Variants in FGD3 observed in about 807,000 individuals in gnomAD.
FGD3 encodes FYVE, RhoGEF and PH domain containing 3.
In FGD3, 45 loss-of-function variants were observed where a neutral mutation model predicts 71.8. The ratio of observed to expected loss-of-function variants is 0.63; its 90% CI spans 0.49 to 0.80. The LOEUF (loss-of-function observed/expected upper bound fraction) is 0.80, where lower values mean the gene tolerates loss of function less well. Among genes scored for constraint, FGD3 ranks in the 30% least tolerant of loss-of-function variants. The probability of loss-of-function intolerance (pLI) is 0.00; values close to 1 mark genes in which losing one functional copy is unlikely to be tolerated. For synonymous variants in FGD3, 378 were observed against 392.8 expected (o/e 0.96, Z 0.44); for missense variants, 844 against 951.5 (o/e 0.89, Z 1.49).
At chr9:93,012,682 G>A (rs918161067) in intron 8 of FGD3, among the ~76,000 whole-genome samples, 8 of 123,362 alleles carry the variant, frequency 6.5e-5, no homozygotes, top group Non-Finnish European at 8.4e-5. Context: ...AGGTGTGGGC[G>A]GTGGCGGGGT....
chr9:92,956,833 T>G (rs530504664), intron 1 of FGD3, among the ~76,000 whole-genome samples: 1 of 135,458 alleles, frequency 7.4e-6, no homozygotes, highest in Non-Finnish European at 1.6e-5. Context: ...ATAATTGCTT[T>G]CTTTCTTTTT....
At chr9:93,022,894 T>C (rs1322757950) in intron 14 of FGD3, among the ~76,000 whole-genome samples, 2 of 152,118 alleles carry the variant, frequency 1.3e-5, no homozygotes, top group Non-Finnish European at 2.9e-5. Context: ...TCGTGTGCCT[T>C]ATGGCAGCCA....
intron 3 of FGD3, among the ~76,000 whole-genome samples, chr9:92,999,138 G>A (rs941454779): frequency 6.6e-6 from 1 of 152,204 alleles, no homozygotes; most frequent in Non-Finnish European, 1.5e-5. Context: ...GAGTTTCCCG[G>A]CGGCTTTGTT....
chr9:92,956,838 C>CTTTTT (rs71364336), intron 1 of FGD3, among the ~76,000 whole-genome samples: 1 of 138,726 alleles, frequency 7.2e-6, no homozygotes. Flanking sequence ...TGCTTTCTTT[C>CTTTTT]TTTTTTTTTT....
chr9:93,030,019 A>G (rs761029272), intron 15 of FGD3, 23 bp downstream of exon 15: 2 of 1,607,052 alleles, frequency 1.2e-6, no homozygotes, highest in South Asian at 1.1e-5. Context: ...AGAGGGGGAC[A>G]GGGACAGGAG....
chr9:93,023,795 C>CCTTTTTTTTTTTTT (rs1862017356), intron 14 of FGD3, among the ~76,000 whole-genome samples: 4 of 107,672 alleles, frequency 3.7e-5, no homozygotes, highest in African/African-American at 1.6e-4. Flanking sequence ...CCATCAGCAA[C>CCTTTTTTTTTTTTT]TTTTTTTTTT....
intron 1 of FGD3, among the ~76,000 whole-genome samples, chr9:92,948,866 G>T (rs889569570): frequency 5.9e-5 from 9 of 152,204 alleles, no homozygotes; most frequent in Admixed American, 5.2e-4. Context: ...TGTGCCCAGG[G>T]TCCCAGCTCA....
intron 11 of FGD3, among the ~76,000 whole-genome samples, chr9:93,018,848 A>G (rs927017371): frequency 6.6e-6 from 1 of 151,958 alleles, no homozygotes; most frequent in African/African-American, 2.4e-5. Context: ...TGAGTATCCT[A>G]CGATTTTCTT....
Position 93,003,051 on chromosome 9 carries a change from T to G in FGD3, c.543+37T>G. On this transcript the variant is annotated intron_variant, in intron 4 of 17. Coordinates refer to ENST00000375482, the MANE Select transcript of FGD3 (RefSeq NM_001083536.2). This position sits in a 1 kb window ranked among gnomAD's most constrained non-coding sequence, Gnocchi z 4.1. ...GGCTTGGGGGCAGTTTCAGTATCTCTTAGCATTGGCTGGGCATTATAGGTG... is the reference window on the plus strand; with the variant it reads ...GGCTTGGGGGCAGTTTCAGTATCTCGTAGCATTGGCTGGGCATTATAGGTG... The G allele has an allele frequency of 3.8e-6, 6 of 1,582,018 alleles. No individual in the cohort carries two copies. The highest frequency in any genetic ancestry group is 5.2e-6 in the Non-Finnish European group (6 of 1,150,900).
chr9:93,014,109 C>T lies in FGD3; in HGVS notation c.1182+111C>T, dbSNP rs566422578. 9 of 1,364,342 alleles carry T rather than the reference C, an allele frequency of 6.6e-6. No individual in the cohort carries two copies. In the East Asian group the frequency reaches 1.3e-4, roughly 20 times the overall value. 84.5% of individuals were successfully genotyped at this position (1,364,342 alleles called of 1,614,324 possible). A position where few individuals can be genotyped will look rare whatever the true frequency, so the allele number is the denominator to read the frequency against. ...GCCCAAGGACATGGCTCTTCTGTGG[C>T]CTCTCCTACTGGGACTGTGGCTCCC... is the stretch of plus-strand genomic sequence containing the variant. On this transcript the variant is annotated intron_variant, in intron 9 of 17. Coordinates refer to ENST00000375482, the MANE Select transcript of FGD3 (RefSeq NM_001083536.2).
Position 93,022,227 on chromosome 9 carries a change from A to T in FGD3, c.1495-100A>T, listed in dbSNP as rs10992583. On this transcript the variant is annotated intron_variant, in intron 13 of 17. Coordinates refer to ENST00000375482, the MANE Select transcript of FGD3 (RefSeq NM_001083536.2). ...AATCCTGCTCCCGAGCCTGCCCTCA[A>T]TGCACAGAGGTGCTGGGGGCTTCAG... 0.17 allele frequency: 207,555 copies of T among 1,193,098 alleles called. 19,187 individuals carry two copies. The highest frequency in any genetic ancestry group is 0.19 in the South Asian group (12,853 of 66,980). 73.9% of individuals were successfully genotyped at this position (1,193,098 alleles called of 1,614,324 possible). A position where few individuals can be genotyped will look rare whatever the true frequency, so the allele number is the denominator to read the frequency against.
intron 13 of FGD3, among the ~76,000 whole-genome samples, chr9:93,021,000 C>T (rs909445946): frequency 1.2e-4 from 19 of 152,178 alleles, no homozygotes; most frequent in African/African-American, 4.6e-4. Context: ...GCACAGCATC[C>T]TACACACAAA....
chr9:92,961,911 T>TTA (rs1427162023), intron 1 of FGD3, among the ~76,000 whole-genome samples: 1 of 152,194 alleles, frequency 6.6e-6, no homozygotes, highest in Non-Finnish European at 1.5e-5. Context: ...AGCTGCAGTG[T>TTA]TATGTATGGC....
rs1428290725 is a variant in FGD3, at chr9:93,019,952, C to T, written c.1386+91C>T. ...TGGTTCAGAGGGTGGGGGCCCTGGC[C>T]TCCGGGACTGCTGGCCCTGTGCTGT... On this transcript the variant is annotated intron_variant, in intron 12 of 17. Transcript: ENST00000375482. 8.0e-6 allele frequency: 11 copies of T among 1,368,968 alleles called. No homozygotes were observed. The East Asian group carries it at 2.3e-4, about 29-fold the overall frequency. The allele number at this position is 1,368,968 out of a possible 1,614,324, so 84.8% of individuals were successfully genotyped here.
chr9:92,965,235 A>G (rs1313534995), intron 1 of FGD3, among the ~76,000 whole-genome samples: 3 of 152,284 alleles, frequency 2.0e-5, no homozygotes, highest in East Asian at 1.9e-4. Flanking sequence ...TGCCAGGCTC[A>G]CTGTAGTTCG....
chr9:92,992,533 C>A (rs1860455498), intron 3 of FGD3, among the ~76,000 whole-genome samples: 1 of 152,078 alleles, frequency 6.6e-6, no homozygotes, highest in South Asian at 2.1e-4. Flanking sequence ...GCAGACTGTT[C>A]TTTTAGCTGA....
At chr9:92,956,255 T>C (rs1261453730) in intron 1 of FGD3, among the ~76,000 whole-genome samples, 3 of 152,222 alleles carry the variant, frequency 2.0e-5, no homozygotes, top group Non-Finnish European at 2.9e-5. Context: ...CTTGTTTTAT[T>C]GCACTGGCTA....
intron 1 of FGD3, among the ~76,000 whole-genome samples, chr9:92,957,973 C>A (rs1859093517): frequency 6.6e-6 from 1 of 151,108 alleles, no homozygotes; most frequent in Non-Finnish European, 1.5e-5. Flanking sequence ...CTGCACCCGG[C>A]CGCCTTTGAA....
At chr9:93,032,149 T>A (rs1862380284) in intron 15 of FGD3, among the ~76,000 whole-genome samples, 1 of 152,226 alleles carries the variant, frequency 6.6e-6, no homozygotes, top group Non-Finnish European at 1.5e-5. Flanking sequence ...TGAATAACGC[T>A]GCTATGGACA....
Sources: gnomAD v4.1 joint callset for allele counts (sites outside exome capture counted in the v4.1 genomes callset) on GRCh38, gnomAD v4.1.1 for gene constraint, Gnocchi (gnomAD v3.1) non-coding constraint, MANE v1.5 for transcripts, NCBI Gene and HGNC (gene_info 2026-07-23, HGNC 2026-07-21) for gene names.